The following GPC5 variants were observed in gnomAD, a reference collection of about 807,000 sequenced individuals.
GPC5 encodes glypican 5.
GPC5 carries 47 observed loss-of-function variants against 53.9 expected under a neutral mutation model. The ratio of observed to expected loss-of-function variants is 0.87; its 90% CI spans 0.69 to 1.11. The LOEUF is 1.11. Among genes scored for constraint, GPC5 ranks in the 50% most tolerant of loss-of-function variants. The pLI is 0.00. For synonymous variants in GPC5, 286 were observed against 263.3 expected, an observed-to-expected ratio of 1.09 and a Z score of -0.84; for missense variants, 748 against 713.1, an observed-to-expected ratio of 1.05 and a Z score of -0.56.
chr13:91,962,262 T>C (rs2040133138), intron 6 of GPC5, among the ~76,000 whole-genome samples: 2 of 152,140 alleles, frequency 1.3e-5, no homozygotes, highest in Admixed American at 1.3e-4. Flanking sequence ...ATAAGACTTC[T>C]TTTGAAACTG....
intron 7 of GPC5, among the ~76,000 whole-genome samples, chr13:92,461,020 A>C (rs1405791923): frequency 6.6e-6 from 1 of 152,198 alleles, no homozygotes; most frequent in Non-Finnish European, 1.5e-5. Flanking sequence ...GGTTTTAAAA[A>C]TAGATGAGTA....
intron 7 of GPC5, among the ~76,000 whole-genome samples, chr13:92,591,673 A>G (rs1383088068): frequency 6.6e-6 from 1 of 152,064 alleles, no homozygotes; most frequent in Non-Finnish European, 1.5e-5. Flanking sequence ...ACCATGGTGT[A>G]CAAGAGCCCT....
intron 7 of GPC5, among the ~76,000 whole-genome samples, chr13:92,216,327 C>G (rs1365440734): frequency 6.6e-6 from 1 of 152,152 alleles, no homozygotes; most frequent in African/African-American, 2.4e-5. Context: ...TGAGTATTGT[C>G]AGGGAAGGCA....
chr13:92,660,499 ATATG>A (rs1219784364), intron 7 of GPC5, among the ~76,000 whole-genome samples: 1 of 152,032 alleles, frequency 6.6e-6, no homozygotes, highest in African/African-American at 2.4e-5. Flanking sequence ...ATATACATAT[ATATG>A]CACATATGTG....
chr13:92,000,034 A>G (rs1205551012), intron 6 of GPC5, among the ~76,000 whole-genome samples: 5 of 152,242 alleles, frequency 3.3e-5, no homozygotes, highest in Admixed American at 2.6e-4. Flanking sequence ...AAGAGCTTGT[A>G]TTCTTGAAGA....
At chr13:92,421,822 C>A (rs1353739718) in intron 7 of GPC5, among the ~76,000 whole-genome samples, 1 of 151,774 alleles carries the variant, frequency 6.6e-6, no homozygotes, top group Non-Finnish European at 1.5e-5. Flanking sequence ...CTTCATATAG[C>A]CAGAGCAGGA....
Position 91,664,985 on chromosome 13 carries a change from TA to T in GPC5, c.326-28197del, listed in dbSNP as rs534043056. 2.7e-3 allele frequency among the ~76,000 whole-genome samples: 409 copies of T among 152,304 alleles called. 3 individuals are homozygous for T. The highest frequency in any genetic ancestry group is 5.0e-3 in the Non-Finnish European group (339 of 68,012). On this transcript the variant is annotated intron_variant, in intron 2 of 7. Coordinates refer to ENST00000377067, the MANE Select transcript of GPC5 (RefSeq NM_004466.6). ...TATTTTGATTGAACCATCAGAAGAA[TA>T]AAAATGCCTATGAATTAAAGGAAAT...
At chr13:91,416,758 A>G (rs1001433927) in intron 1 of GPC5, among the ~76,000 whole-genome samples, 5 of 152,106 alleles carry the variant, frequency 3.3e-5, no homozygotes, top group Non-Finnish European at 5.9e-5. Flanking sequence ...AGCTTCATCC[A>G]TGTCCCTGCA....
chr13:91,527,805 G>A (rs1289443473), intron 2 of GPC5, among the ~76,000 whole-genome samples: 1 of 152,132 alleles, frequency 6.6e-6, no homozygotes, highest in Non-Finnish European at 1.5e-5. Context: ...ACACCCACTG[G>A]CCCAGCACCA....
intron 6 of GPC5, among the ~76,000 whole-genome samples, chr13:91,936,045 C>A (rs971763230): frequency 6.6e-6 from 1 of 152,034 alleles, no homozygotes; most frequent in African/African-American, 2.4e-5. Flanking sequence ...CCACTCCTAT[C>A]TTCACTCTGT....
At chr13:91,455,280 A>G (rs987045602) in intron 2 of GPC5, among the ~76,000 whole-genome samples, 1 of 152,100 alleles carries the variant, frequency 6.6e-6, no homozygotes, top group Non-Finnish European at 1.5e-5. Context: ...ATTTACTAAA[A>G]TTGCTCTTCT....
chr13:92,291,279 G>T (rs940556768), intron 7 of GPC5, among the ~76,000 whole-genome samples: 1 of 152,196 alleles, frequency 6.6e-6, no homozygotes, highest in Non-Finnish European at 1.5e-5. Context: ...CCCTGTGCAG[G>T]ATCCACTGGG....
At chr13:91,599,720 G>A (rs1460618071) in intron 2 of GPC5, among the ~76,000 whole-genome samples, 1 of 152,142 alleles carries the variant, frequency 6.6e-6, no homozygotes, top group Non-Finnish European at 1.5e-5. Context: ...TTCAGGGTGG[G>A]ATTGGCAGAA....
intron 2 of GPC5, among the ~76,000 whole-genome samples, chr13:91,617,510 T>C (rs2033730364): frequency 6.6e-6 from 1 of 152,062 alleles, no homozygotes; most frequent in African/African-American, 2.4e-5. Flanking sequence ...GGTCAATAAA[T>C]AGTAGTAAAG....
intron 2 of GPC5, among the ~76,000 whole-genome samples, chr13:91,632,568 A>C (rs543725495): frequency 2.6e-5 from 4 of 152,290 alleles, no homozygotes; most frequent in Admixed American, 6.5e-5. Flanking sequence ...ACTTGAACAC[A>C]GCAAGCAGCA....
intron 7 of GPC5, among the ~76,000 whole-genome samples, chr13:92,608,896 T>C (rs1265088917): frequency 6.6e-6 from 1 of 152,222 alleles, no homozygotes; most frequent in Non-Finnish European, 1.5e-5. Context: ...CTATTCTAAA[T>C]ATATAACCTA....
chr13:92,732,307 C>G (rs528515914), intron 7 of GPC5, among the ~76,000 whole-genome samples: 2 of 151,630 alleles, frequency 1.3e-5, no homozygotes, highest in East Asian at 3.9e-4. Flanking sequence ...TATAAAATCC[C>G]TCAGAGGCTC....
chr13:91,428,005 C>T (rs922421580), intron 1 of GPC5, among the ~76,000 whole-genome samples: 1 of 152,158 alleles, frequency 6.6e-6, no homozygotes, highest in Non-Finnish European at 1.5e-5. Flanking sequence ...CTGAGGCCTT[C>T]CCAGCCATGT....
At chr13:92,175,631 T>A (rs192879349) in intron 7 of GPC5, among the ~76,000 whole-genome samples, 5 of 152,202 alleles carry the variant, frequency 3.3e-5, no homozygotes, top group African/African-American at 1.2e-4. Flanking sequence ...CTTAGTACTT[T>A]ATAGTTTAGA....
Sources: allele counts gnomAD v4.1 joint callset (sites outside exome capture counted in the v4.1 genomes callset), GRCh38; gene constraint gnomAD v4.1.1; transcripts MANE v1.5; gene names NCBI Gene and HGNC (gene_info 2026-07-23, HGNC 2026-07-21).